The following FAM178B variants were observed in gnomAD, a reference collection of about 807,000 sequenced individuals.
FAM178B encodes protein FAM178B.
In FAM178B, 82 loss-of-function variants were observed where a neutral mutation model predicts 91.7. That is an observed-to-expected ratio of 0.89 (90% CI 0.75 to 1.07). The LOEUF (loss-of-function observed/expected upper bound fraction) is 1.07, where lower values mean the gene tolerates loss of function less well. Among genes scored for constraint, FAM178B ranks in the 50% least tolerant of loss-of-function variants. FAM178B has a pLI of 0.00. For synonymous variants in FAM178B, 368 were observed against 359.4 expected (o/e 1.02, Z -0.27); for missense variants, 769 against 846.7 (o/e 0.91, Z 1.14).
intron 14 of FAM178B, among the ~76,000 whole-genome samples, chr2:96,888,108 C>T (rs1315355167): frequency 6.6e-6 from 1 of 152,260 alleles, no homozygotes; most frequent in Non-Finnish European, 1.5e-5. Context: ...ACTGGCCTGT[C>T]CCCAGATCTG....
At position 96,905,816 on chromosome 2, in the gene FAM178B, GTGTATATATATATATATATATA is replaced by G. The variant is rs1233239630; in HGVS notation, c.1563-3131_1563-3110del. On this transcript the variant is annotated intron_variant, in intron 12 of 16. Coordinates refer to ENST00000490605, the MANE Select transcript of FAM178B (RefSeq NM_001122646.3). ...TATACACAAAAATATACATATATGT[GTGTATATATATATATATATATA>G]TATATATATATATATATATATATTT... is the stretch of plus-strand genomic sequence containing the variant. 9.1e-3 allele frequency among the ~76,000 whole-genome samples: 333 copies of G among 36,730 alleles called. 11 individuals carry two copies. The highest frequency in any genetic ancestry group is 0.056 in the South Asian group (50 of 890). 24.1% of individuals were successfully genotyped at this position (36,730 alleles called of 152,430 possible). A position where few individuals can be genotyped will look rare whatever the true frequency, so the allele number is the denominator to read the frequency against.
chr2:96,933,143 T>C (rs2081569401), intron 8 of FAM178B, among the ~76,000 whole-genome samples: 1 of 151,892 alleles, frequency 6.6e-6, no homozygotes, highest in African/African-American at 2.4e-5. Flanking sequence ...CTTGGGAGGC[T>C]GAGGCAGGAG....
At chr2:96,936,265 G>C (rs764229924) in intron 8 of FAM178B, among the ~76,000 whole-genome samples, 38 of 152,106 alleles carry the variant, frequency 2.5e-4, no homozygotes, top group Non-Finnish European at 3.8e-4. Flanking sequence ...GCAGTGGCAT[G>C]ATCTCTGCTC....
At chr2:96,922,358 A>AC (rs1397806068) in intron 10 of FAM178B, among the ~76,000 whole-genome samples, 1 of 152,136 alleles carries the variant, frequency 6.6e-6, no homozygotes. Flanking sequence ...TTATTCTTTT[A>AC]CTTTTTTTTG....
chr2:96,944,367 C>T (rs1198905945), intron 8 of FAM178B, among the ~76,000 whole-genome samples: 1 of 151,812 alleles, frequency 6.6e-6, no homozygotes, highest in Non-Finnish European at 1.5e-5. Flanking sequence ...ACTGGACAGA[C>T]AAACAACATG....
At chr2:96,902,860 T>C (rs1291013106) in intron 12 of FAM178B, among the ~76,000 whole-genome samples, 153 bp from the exon 13 acceptor site, 1 of 152,222 alleles carries the variant, frequency 6.6e-6, no homozygotes, top group Non-Finnish European at 1.5e-5. Context: ...TACAGCATTA[T>C]GTATTCTAGG....
At chr2:96,901,011 T>A (rs1353865946) in intron 13 of FAM178B, among the ~76,000 whole-genome samples, 4 of 151,962 alleles carry the variant, frequency 2.6e-5, no homozygotes, top group Admixed American at 6.6e-5. Context: ...TCCAGGAAGA[T>A]TACTGCGGAG....
chr2:96,925,033 T>C (rs1355007638), intron 9 of FAM178B, among the ~76,000 whole-genome samples: 1 of 152,028 alleles, frequency 6.6e-6, no homozygotes, highest in Non-Finnish European at 1.5e-5. Flanking sequence ...GATTTCAGCA[T>C]TTATTAGGGC....
Position 96,974,135 on chromosome 2 carries a change from C to T in FAM178B, c.74-1529G>A, listed in dbSNP as rs528891722. Reference sequence around the variant, plus strand: ...CAGTGGCTCACGCCTGTAATCCCAGCACTTTGGGAGGCTGAGGTGGGCGGA... The same window carrying T: ...CAGTGGCTCACGCCTGTAATCCCAGTACTTTGGGAGGCTGAGGTGGGCGGA... On this transcript the variant is annotated intron_variant, in intron 1 of 16. Transcript: ENST00000490605. Among the ~76,000 whole-genome samples the T allele has an allele frequency of 3.9e-5, 6 of 152,044 alleles. No individual in the cohort carries two copies. The East Asian group carries it at 1.2e-3, about 29-fold the overall frequency.
chr2:96,900,563 A>T (rs2080908386), intron 13 of FAM178B, among the ~76,000 whole-genome samples: 1 of 151,820 alleles, frequency 6.6e-6, no homozygotes, highest in Admixed American at 6.6e-5. Context: ...ATAGGAAAAG[A>T]TCAGGGGGTG....
intron 4 of FAM178B, among the ~76,000 whole-genome samples, chr2:96,969,002 C>T (rs2082182567): frequency 6.6e-6 from 1 of 152,188 alleles, no homozygotes; most frequent in Non-Finnish European, 1.5e-5. Context: ...ACAAAACTTC[C>T]TTTCTTGCAA....
At position 96,951,418 on chromosome 2, in the gene FAM178B, C is replaced by T. The variant is rs749672704; in HGVS notation, c.954G>A (p.Met318Ile). ...SGLLNILYLH[M>I]PDCPVSLLQW... The stretch of plus-strand genomic sequence containing the variant: ...GGAGCAGGGATACCGGGCAGTCAGG[C>T]ATGTGCAGGTAGAGGATGTTCAGGA... The change falls in exon 7 of 17, where the codon ATG becomes ATA. Residue 318 changes from methionine to isoleucine, a missense_variant. Coordinates refer to ENST00000490605, the MANE Select transcript of FAM178B (RefSeq NM_001122646.3). 20 of 1,551,456 alleles carry T rather than the reference C, an allele frequency of 1.3e-5. No individual in the cohort carries two copies. The South Asian group carries it at 2.3e-4, about 18-fold the overall frequency.
intron 8 of FAM178B, among the ~76,000 whole-genome samples, chr2:96,930,704 G>A (rs1008646537): frequency 5.3e-5 from 8 of 152,208 alleles, no homozygotes; most frequent in African/African-American, 1.9e-4. Context: ...GCTATGTTCT[G>A]AGTGTTTATG....
intron 7 of FAM178B, among the ~76,000 whole-genome samples, chr2:96,948,398 G>A (rs563259277): frequency 7.0e-4 from 107 of 152,328 alleles, no homozygotes; most frequent in Non-Finnish European, 1.3e-3. Context: ...CAGCTTAGAC[G>A]GTCCTTGGTA....
chr2:96,945,093 C>T (rs1169384544), intron 8 of FAM178B, among the ~76,000 whole-genome samples: 4 of 152,180 alleles, frequency 2.6e-5, no homozygotes, highest in Admixed American at 2.0e-4. Context: ...TGCCATCTAG[C>T]GAAGTGCTTG....
At chr2:96,909,563 G>A (rs2081116435) in intron 12 of FAM178B, among the ~76,000 whole-genome samples, 1 of 152,174 alleles carries the variant, frequency 6.6e-6, no homozygotes, top group Non-Finnish European at 1.5e-5. Context: ...CCTGGGGGTT[G>A]TCAATGTTCC....
In FAM178B at chr2:96,971,892, C is replaced by T. The variant is rs533544480; in HGVS notation, c.564+9G>A. On this transcript the variant is annotated intron_variant, in intron 3 of 16. Transcript: ENST00000490605. ...AAGGAGAAGAGGCCAAGGGTGGACA[C>T]AGGCTCACCTCTGGGGCCGCAGCCT... 1.4e-6 allele frequency: 2 copies of T among 1,475,458 alleles called. No homozygotes were observed. Among genetic ancestry groups the T allele is most frequent in the Non-Finnish European group, 1.8e-6 (2 of 1,112,106 alleles). The allele number at this position is 1,475,458 out of a possible 1,614,324, so 91.4% of individuals were successfully genotyped here.
chr2:96,905,556 C>CA (rs533970081), intron 12 of FAM178B, among the ~76,000 whole-genome samples: 14,727 of 90,336 alleles, frequency 0.16, 930 homozygotes, highest in Middle Eastern at 0.29. Context: ...GACTCCATCT[C>CA]AAAAAAAAAA....
At chr2:96,905,844 A>ATATATATGTGTGTGTGTG (rs1553498423) in intron 12 of FAM178B, among the ~76,000 whole-genome samples, 13 of 28,606 alleles carry the variant, frequency 4.5e-4, no homozygotes, top group Non-Finnish European at 6.2e-4. Flanking sequence ...ATATATATAT[A>ATATATATGTGTGTGTGTG]TATATATATA....
Sources: gnomAD v4.1 joint callset for allele counts (sites outside exome capture counted in the v4.1 genomes callset) on GRCh38, gnomAD v4.1.1 for gene constraint, MANE v1.5 for transcripts, NCBI Gene and HGNC (gene_info 2026-07-23, HGNC 2026-07-21) for gene names.